Variants in FRYL observed in about 807,000 individuals in gnomAD.
FRYL encodes the protein FRY like transcription coactivator, also known as protein furry homolog-like.
FRYL carries 150 observed loss-of-function variants against 351.2 expected under a neutral mutation model. The ratio of observed to expected loss-of-function variants is 0.43; its 90% CI spans 0.37 to 0.49. The LOEUF (loss-of-function observed/expected upper bound fraction) is 0.49. FRYL is among the 20% of genes least tolerant of loss of function. The pLI is 0.00. For missense variants in FRYL, 3,036 were observed against 3,619.3 expected (o/e 0.84, Z 4.13); for synonymous variants, 1,153 against 1,257.1 (o/e 0.92, Z 1.75).
At chr4:48,514,723 A>G (rs1723205936) in intron 56 of FRYL, among the ~76,000 whole-genome samples, 1 of 152,256 alleles carries the variant, frequency 6.6e-6, no homozygotes, top group African/African-American at 2.4e-5. Flanking sequence ...GCCATTTGGC[A>G]TCTGCCAAAA....
At chr4:48,731,700 A>G (rs1377505630) in intron 1 of FRYL, among the ~76,000 whole-genome samples, 1 of 152,224 alleles carries the variant, frequency 6.6e-6, no homozygotes, top group African/African-American at 2.4e-5. Context: ...TCCCTATTTA[A>G]TAAATGGTGT....
intron 35 of FRYL, among the ~76,000 whole-genome samples, 161 bp from the exon 36 acceptor site, chr4:48,553,544 GC>G (rs1390340984): frequency 1.3e-5 from 2 of 151,730 alleles, no homozygotes; most frequent in Non-Finnish European, 2.9e-5. Flanking sequence ...ACATTAATCA[GC>G]TTTATCAATA....
intron 3 of FRYL, among the ~76,000 whole-genome samples, chr4:48,682,601 G>T (rs749240437): frequency 3.3e-5 from 5 of 152,000 alleles, no homozygotes; most frequent in Non-Finnish European, 5.9e-5. Flanking sequence ...TCAAAAAGTG[G>T]TCAAAGGATA....
intron 3 of FRYL, among the ~76,000 whole-genome samples, chr4:48,641,069 T>A (rs567999434): frequency 6.6e-6 from 1 of 152,220 alleles, no homozygotes; most frequent in South Asian, 2.1e-4. Context: ...TAATAGCAAA[T>A]AGCAAATTTC....
At chr4:48,718,770 A>T (rs538242312) in intron 1 of FRYL, among the ~76,000 whole-genome samples, 4 of 151,240 alleles carry the variant, frequency 2.6e-5, no homozygotes, top group Admixed American at 1.3e-4. Flanking sequence ...TTTTTTTCAC[A>T]TATCTCTCAG....
intron 16 of FRYL, among the ~76,000 whole-genome samples, chr4:48,592,082 T>TTATATATATCTATATATATATA (rs1743419599): frequency 8.6e-6 from 1 of 116,178 alleles, no homozygotes; most frequent in African/African-American, 4.5e-5. Context: ...AATAAAGCTC[T>TTATATATATCTATATATATATA]TATATATATA....
At position 48,547,916 on chromosome 4, in the gene FRYL, T is replaced by C. The variant is rs562725892; in HGVS notation, c.4889-147A>G. On this transcript the variant is annotated intron_variant, in intron 40 of 63. Coordinates refer to ENST00000358350, the MANE Select transcript of FRYL (RefSeq NM_015030.2). Reference sequence around the variant, plus strand: ...ATATGGTTTTTTATTGCCCTAGAGTTCTTATATACTTTTACAATAGCCTAC... The same window carrying C: ...ATATGGTTTTTTATTGCCCTAGAGTCCTTATATACTTTTACAATAGCCTAC... 2.5e-4 allele frequency: 125 copies of C among 497,402 alleles called. 2 individuals carry two copies. The highest frequency in any genetic ancestry group is 1.5e-3 in the Middle Eastern group (3 of 2,022). The allele number at this position is 497,402 out of a possible 1,614,324, so 30.8% of individuals were successfully genotyped here. A position where few individuals can be genotyped will look rare whatever the true frequency, so the allele number is the denominator to read the frequency against.
At chr4:48,551,880 G>A (rs911984772) in intron 36 of FRYL, among the ~76,000 whole-genome samples, 8 of 152,164 alleles carry the variant, frequency 5.3e-5, no homozygotes, top group East Asian at 3.8e-4. Flanking sequence ...AGGTAGCATC[G>A]AGAACCTCTG....
chr4:48,750,597 A>G (rs1773151491), intron 1 of FRYL, among the ~76,000 whole-genome samples: 1 of 152,208 alleles, frequency 6.6e-6, no homozygotes, highest in African/African-American at 2.4e-5. Flanking sequence ...TAAAAGTGGT[A>G]AGACTGTAAA....
At chr4:48,648,175 A>G (rs1486146779) in intron 3 of FRYL, among the ~76,000 whole-genome samples, 5 of 152,124 alleles carry the variant, frequency 3.3e-5, no homozygotes, top group African/African-American at 1.2e-4. Flanking sequence ...GTCTCTTTCA[A>G]TAGCATCCTA....
At chr4:48,576,503 G>A (rs528481719) in intron 23 of FRYL, among the ~76,000 whole-genome samples, 2 of 151,924 alleles carry the variant, frequency 1.3e-5, no homozygotes, top group South Asian at 2.1e-4. Context: ...ATGAGGTTTC[G>A]TCATGTTGCC....
chr4:48,654,860 A>G (rs1344976510), intron 3 of FRYL, among the ~76,000 whole-genome samples: 1 of 152,224 alleles, frequency 6.6e-6, no homozygotes, highest in African/African-American at 2.4e-5. Flanking sequence ...ATGAACAAAT[A>G]ATATGTCATT....
chr4:48,632,096 A>ATATATATATATATATGTG (rs1553957551), intron 4 of FRYL, among the ~76,000 whole-genome samples: 2 of 16,208 alleles, frequency 1.2e-4, no homozygotes, highest in Non-Finnish European at 3.0e-4. Flanking sequence ...AAAAAAATAT[A>ATATATATATATATATGTG]TATATATATA....
chr4:48,764,192 A>T lies in FRYL; in HGVS notation c.-384+15886T>A, dbSNP rs115171430. On this transcript the variant is annotated intron_variant, in intron 1 of 63. Transcript: ENST00000358350. ...CTCAAAAATAAATAAATAAATAAAT[A>T]AATTAAATTCAGTTAAGTTGCAAGA... Among the ~76,000 whole-genome samples the T allele has an allele frequency of 7.7e-3, 1,173 of 152,138 alleles. 6 individuals are homozygous for T. The highest frequency in any genetic ancestry group is 0.023 in the African/African-American group (941 of 41,518).
At chr4:48,550,498 A>G in intron 38 of FRYL, 94 bp downstream of exon 38, 1 of 791,378 alleles carries the variant, frequency 1.3e-6, no homozygotes, top group Non-Finnish European at 2.0e-6. Context: ...CTTTTTAAAA[A>G]CAATTTACTG....
chr4:48,721,802 G>T (rs939497416), intron 1 of FRYL, among the ~76,000 whole-genome samples: 1 of 151,998 alleles, frequency 6.6e-6, no homozygotes, highest in Non-Finnish European at 1.5e-5. Context: ...CACCACACCC[G>T]GCTAATTTAT....
At chr4:48,644,471 A>G (rs967000284) in intron 3 of FRYL, among the ~76,000 whole-genome samples, 1 of 149,124 alleles carries the variant, frequency 6.7e-6, no homozygotes, top group Admixed American at 6.8e-5. Context: ...CTCAGTAGAC[A>G]TAAGTGTAGA....
intron 23 of FRYL, among the ~76,000 whole-genome samples, chr4:48,577,422 C>T (rs1477615971): frequency 1.3e-5 from 2 of 152,128 alleles, no homozygotes; most frequent in Non-Finnish European, 2.9e-5. Context: ...TCAGCAAGAG[C>T]ATCATAGAAC....
intron 10 of FRYL, among the ~76,000 whole-genome samples, chr4:48,606,097 G>GAA (rs59467789): frequency 1.2e-4 from 7 of 57,544 alleles, no homozygotes; most frequent in Admixed American, 2.2e-4. Context: ...CTCTACTAAA[G>GAA]AAAAAAAAAA....
Sources: allele counts gnomAD v4.1 joint callset (sites outside exome capture counted in the v4.1 genomes callset), GRCh38; gene constraint gnomAD v4.1.1; transcripts MANE v1.5; gene names NCBI Gene and HGNC (gene_info 2026-07-23, HGNC 2026-07-21).